Variants in FOXO3 observed in about 807,000 individuals in gnomAD.
The protein encoded by FOXO3 is forkhead box O3, also known as forkhead box protein O3.
FOXO3 carries 4 observed loss-of-function variants against 41.9 expected under a neutral mutation model. That is an observed-to-expected ratio of 0.10 (90% CI 0.05 to 0.22). FOXO3 has a LOEUF of 0.22. Among genes scored for constraint, FOXO3 ranks in the 10% least tolerant of loss-of-function variants. The pLI is 1.00. For synonymous variants in FOXO3, 318 were observed against 389.3 expected (o/e 0.82, Z 2.16); for missense variants, 534 against 906.8 (o/e 0.59, Z 5.28).
intron 1 of FOXO3, among the ~76,000 whole-genome samples, chr6:108,625,579 T>TC (rs1343598217): frequency 6.6e-6 from 1 of 152,224 alleles, no homozygotes; most frequent in Non-Finnish European, 1.5e-5. Context: ...GAATTATTTC[T>TC]CTAAAACTAA....
intron 1 of FOXO3, among the ~76,000 whole-genome samples, chr6:108,582,210 T>G (rs2128360477): frequency 6.6e-6 from 1 of 152,278 alleles, no homozygotes. Flanking sequence ...CCTAAATAAG[T>G]GCCTACCAGC....
chr6:108,616,255 C>G (rs1297677195), intron 1 of FOXO3, among the ~76,000 whole-genome samples: 2 of 149,400 alleles, frequency 1.3e-5, no homozygotes, highest in African/African-American at 5.0e-5. Flanking sequence ...AGCTCCGCCT[C>G]GTGGGTTCAC....
At chr6:108,578,750 G>C (rs1776328487) in intron 1 of FOXO3, among the ~76,000 whole-genome samples, 1 of 152,194 alleles carries the variant, frequency 6.6e-6, no homozygotes, top group Non-Finnish European at 1.5e-5. Context: ...TGGGACATGT[G>C]AGAGAAAGAT....
rs1778606680 is a variant in FOXO3 at position 108,653,599 on chromosome 6, C to T, written c.622-9856C>T. Among the ~76,000 whole-genome samples the T allele has an allele frequency of 2.6e-5, 4 of 152,144 alleles. No individual in the cohort carries two copies. In the South Asian group the frequency reaches 8.3e-4, roughly 32 times the overall value. On this transcript the variant is annotated intron_variant, in intron 1 of 2. Transcript: ENST00000406360. The stretch of plus-strand genomic sequence containing the variant: ...GTTTCATAGAAAGAGGGTTTCCTGG[C>T]CCTCTCCATGTTCCCCAGCTATTGC...
Position 108,664,812 on chromosome 6 carries a change from C to T in FOXO3, c.1979C>T (p.Thr660Ile). The change falls in exon 2 of 3, where the codon ACT (threonine) becomes ATT (isoleucine). Residue 660 changes from threonine (T) to isoleucine (I), a missense_variant. By Grantham distance (89) the Thr-to-Ile change is moderately conservative. Coordinates refer to ENST00000406360, the MANE Select transcript of FOXO3 (RefSeq NM_001455.4). Reference sequence around the variant, plus strand: ...GTTGGTTTGAACGTGGGGAACTTCACTGGTGCTAAGCAGGCCTCATCTCAG... The same window carrying T: ...GTTGGTTTGAACGTGGGGAACTTCATTGGTGCTAAGCAGGCCTCATCTCAG... ...NVVGLNVGNF[T>I]GAKQASSQSW... The T allele has an allele frequency of 6.6e-7, 1 of 1,512,748 alleles. No homozygotes were observed. The highest frequency in any genetic ancestry group is 8.9e-7 in the Non-Finnish European group (1 of 1,128,942). 93.7% of individuals were successfully genotyped at this position (1,512,748 alleles called of 1,614,324 possible). A position where few individuals can be genotyped will look rare whatever the true frequency, so the allele number is the denominator to read the frequency against.
At chr6:108,646,531 G>A (rs1020737908) in intron 1 of FOXO3, among the ~76,000 whole-genome samples, 1 of 152,106 alleles carries the variant, frequency 6.6e-6, no homozygotes, top group African/African-American at 2.4e-5. Context: ...TTTGAATTGT[G>A]TTGTCTTTTT....
intron 1 of FOXO3, among the ~76,000 whole-genome samples, chr6:108,569,166 A>AT (rs1177137654): frequency 6.6e-6 from 1 of 152,242 alleles, no homozygotes; most frequent in African/African-American, 2.4e-5. Context: ...AATAGAAGTC[A>AT]TGTATGAAAG....
At chr6:108,594,729 TCAGTGACC>T (rs1562237820) in intron 1 of FOXO3, among the ~76,000 whole-genome samples, 1 of 152,192 alleles carries the variant, frequency 6.6e-6, no homozygotes, top group Non-Finnish European at 1.5e-5. Context: ...CTGGTGTGTC[TCAGTGACC>T]CAGTAGGTGT....
chr6:108,560,662 T>C (rs1465466573), upstream of FOXO3, among the ~76,000 whole-genome samples: 6 of 151,654 alleles, frequency 4.0e-5, no homozygotes, highest in African/African-American at 1.2e-4. Flanking sequence ...CGGGAGGCAC[T>C]AGAGCGGGCC....
At chr6:108,641,125 G>A (rs1461377706) in intron 1 of FOXO3, among the ~76,000 whole-genome samples, 1 of 152,056 alleles carries the variant, frequency 6.6e-6, no homozygotes, top group Non-Finnish European at 1.5e-5. Context: ...GGCCAGGCTG[G>A]TCTCAAACTC....
At chr6:108,602,675 A>G (rs1777086240) in intron 1 of FOXO3, among the ~76,000 whole-genome samples, 1 of 152,102 alleles carries the variant, frequency 6.6e-6, no homozygotes, top group Admixed American at 6.6e-5. Flanking sequence ...AAAACCTTTT[A>G]TTATTAACAA....
At chr6:108,622,445 G>A (rs1777696164) in intron 1 of FOXO3, among the ~76,000 whole-genome samples, 1 of 152,152 alleles carries the variant, frequency 6.6e-6, no homozygotes, top group South Asian at 2.1e-4. Context: ...AGAGGAAGGA[G>A]TCCTTGCCCC....
intron 2 of FOXO3, among the ~76,000 whole-genome samples, chr6:108,675,571 G>A (rs991580547): frequency 3.3e-5 from 5 of 152,176 alleles, no homozygotes; most frequent in African/African-American, 1.2e-4. Flanking sequence ...TCTCTCCTAA[G>A]TGTTCCATAT....
intron 1 of FOXO3, among the ~76,000 whole-genome samples, chr6:108,597,937 C>T (rs575774220): frequency 7.2e-5 from 11 of 152,210 alleles, no homozygotes; most frequent in South Asian, 6.2e-4. Flanking sequence ...TTAAAATTAG[C>T]GATTCTTTTC....
intron 1 of FOXO3, among the ~76,000 whole-genome samples, chr6:108,633,496 A>G (rs1778032416): frequency 6.6e-6 from 1 of 152,228 alleles, no homozygotes; most frequent in Non-Finnish European, 1.5e-5. Flanking sequence ...TCCTTGAAAG[A>G]AAAGTGGCAT....
chr6:108,600,320 C>T (rs61652237), intron 1 of FOXO3, among the ~76,000 whole-genome samples: 110 of 151,946 alleles, frequency 7.2e-4, no homozygotes, highest in African/African-American at 2.5e-3. Context: ...CGAGGCAAGG[C>T]GGATCACCCG....
rs1156698366 is a variant in FOXO3, at chr6:108,682,890, G to A, written c.*3098G>A. On this transcript the variant is annotated 3_prime_UTR_variant, in exon 3 of 3. Transcript: ENST00000406360. ...TACTTTTTGATGAGAAATTAGAAGA[G>A]TACCTAATGTTGAAAACATGACATG... is the stretch of plus-strand genomic sequence containing the variant. 6.6e-6 allele frequency: 1 copy of A among 152,666 alleles called. No individual in the cohort carries two copies. Among genetic ancestry groups the A allele is most frequent in the Non-Finnish European group, 1.5e-5 (1 of 68,050 alleles). The allele number at this position is 152,666 out of a possible 1,614,324, so 9.5% of individuals were successfully genotyped here. A position where few individuals can be genotyped will look rare whatever the true frequency, so the allele number is the denominator to read the frequency against.
At chr6:108,614,509 C>T (rs2128370434) in intron 1 of FOXO3, among the ~76,000 whole-genome samples, 1 of 152,104 alleles carries the variant, frequency 6.6e-6, no homozygotes, top group East Asian at 1.9e-4. Context: ...GAAATCTGTT[C>T]ATTAATAACT....
intron 1 of FOXO3, chr6:108,656,402 G>A: frequency 8.1e-6 from 8 of 985,324 alleles, no homozygotes; most frequent in Non-Finnish European, 9.6e-6. Flanking sequence ...CGGACGTAGG[G>A]TACAAAATTT....
Sources: allele counts gnomAD v4.1 joint callset (sites outside exome capture counted in the v4.1 genomes callset), GRCh38; gene constraint gnomAD v4.1.1; transcripts MANE v1.5; gene names NCBI Gene and HGNC (gene_info 2026-07-23, HGNC 2026-07-21).